GNA12: variants seen among roughly 807,000 people sequenced by gnomAD.
GNA12 encodes the protein G protein subunit alpha 12, also known as guanine nucleotide-binding protein subunit alpha-12.
In GNA12, 9 loss-of-function variants were observed where a neutral mutation model predicts 26.0. That is an observed-to-expected ratio of 0.35 (90% confidence interval 0.21 to 0.60). GNA12 has a LOEUF of 0.60. Ranked by LOEUF, GNA12 falls within the 20% of genes least tolerant of loss-of-function variation. The pLI, the probability that GNA12 is intolerant of heterozygous loss-of-function variation, is 0.78. For missense variants in GNA12, 405 were observed against 525.8 expected, an observed-to-expected ratio of 0.77 and a Z score of 2.25; for synonymous variants, 264 against 219.6, an observed-to-expected ratio of 1.20 and a Z score of -1.79.
chr7:2,793,250 G>C (rs939785129), intron 2 of GNA12, among the ~76,000 whole-genome samples: 18 of 150,410 alleles, frequency 1.2e-4, no homozygotes, highest in Non-Finnish European at 2.1e-4. Context: ...AAACACAATG[G>C]GGGATTCCAG....
chr7:2,733,429 T>TCGGG (rs1583205611), intron 3 of GNA12, 22 bp downstream of exon 3: 3 of 1,610,048 alleles, frequency 1.9e-6, no homozygotes, highest in Admixed American at 3.3e-5. Flanking sequence ...CCCAGCTTCT[T>TCGGG]CGGGCGGGCG....
intron 2 of GNA12, among the ~76,000 whole-genome samples, chr7:2,778,930 A>G (rs951960929): frequency 7.2e-5 from 11 of 152,230 alleles, no homozygotes; most frequent in African/African-American, 2.7e-4. Context: ...TGAAACTTTC[A>G]GATTAAGGGT....
intron 1 of GNA12, among the ~76,000 whole-genome samples, chr7:2,809,632 C>T (rs533396376): frequency 6.6e-6 from 1 of 152,146 alleles, no homozygotes; most frequent in Non-Finnish European, 1.5e-5. Context: ...TTTGGGGTAG[C>T]CCTGCTCCCC....
At position 2,731,068 on chromosome 7, in the gene GNA12, A is replaced by G; in HGVS notation, c.*113T>C. 1.5e-6 allele frequency: 1 copy of G among 683,172 alleles called. No homozygotes were observed. Among genetic ancestry groups the G allele is most frequent in the African/African-American group, 1.8e-5 (1 of 56,286 alleles). The allele number at this position is 683,172 out of a possible 1,614,324, so 42.3% of individuals were successfully genotyped here. A position where few individuals can be genotyped will look rare whatever the true frequency, so the allele number is the denominator to read the frequency against. Reference sequence around the variant, plus strand: ...ACAGCATTCCTGAGCCAGGTATTCCAGGGCACGGATCCGAGAAACCCACTC... The same window carrying G: ...ACAGCATTCCTGAGCCAGGTATTCCGGGGCACGGATCCGAGAAACCCACTC... On this transcript the variant is annotated 3_prime_UTR_variant, in exon 4 of 4. Coordinates refer to ENST00000275364, the MANE Select transcript of GNA12 (RefSeq NM_007353.3). This position sits in a 1 kb window ranked among gnomAD's most constrained non-coding sequence, Gnocchi z 6.0.
chr7:2,827,842 A>G (rs903684638), intron 1 of GNA12, among the ~76,000 whole-genome samples: 4 of 152,326 alleles, frequency 2.6e-5, no homozygotes, highest in African/African-American at 9.6e-5. Context: ...AGAAGACTCA[A>G]TTCAAGATTG....
At chr7:2,799,434 T>C (rs1792755355) in intron 1 of GNA12, among the ~76,000 whole-genome samples, 1 of 151,980 alleles carries the variant, frequency 6.6e-6, no homozygotes, top group Non-Finnish European at 1.5e-5. Flanking sequence ...TCAAACAAAT[T>C]AGGCAGGCAT....
intron 2 of GNA12, among the ~76,000 whole-genome samples, chr7:2,756,632 C>T (rs1791310685): frequency 7.4e-6 from 1 of 135,278 alleles, no homozygotes; most frequent in African/African-American, 2.6e-5. Context: ...CAAACAAAAA[C>T]ATAGGAGAGG....
rs76015103 is a variant in GNA12, at chr7:2,738,494, C to G, written c.526-4993G>C. 9.2e-3 allele frequency among the ~76,000 whole-genome samples: 1,394 copies of G among 152,230 alleles called. 14 individuals are homozygous for G. The highest frequency in any genetic ancestry group is 0.032 in the African/African-American group (1,317 of 41,532). The stretch of plus-strand genomic sequence containing the variant: ...CCACTGCCAAAGGAAAAGCACAAGG[C>G]ACGAAACAACGCAGAGTATCTTCCT... On this transcript the variant is annotated intron_variant, in intron 2 of 3. Coordinates refer to ENST00000275364, the MANE Select transcript of GNA12 (RefSeq NM_007353.3).
At chr7:2,840,180 G>A (rs543346079) in intron 1 of GNA12, among the ~76,000 whole-genome samples, 48 of 152,296 alleles carry the variant, frequency 3.2e-4, no homozygotes, top group Admixed American at 7.2e-4. Context: ...ATCACTGAGG[G>A]AAAGCTGGCA....
Position 2,737,269 on chromosome 7 carries a change from G to GTTTT in GNA12, c.526-3772_526-3769dup, listed in dbSNP as rs1317020597. 5.7e-3 allele frequency among the ~76,000 whole-genome samples: 219 copies of GTTTT among 38,104 alleles called. 28 individuals carry two copies. Among genetic ancestry groups the GTTTT allele is most frequent in the South Asian group, 0.014 (18 of 1,284 alleles). 25.0% of individuals were successfully genotyped at this position (38,104 alleles called of 152,430 possible). A position where few individuals can be genotyped will look rare whatever the true frequency, so the allele number is the denominator to read the frequency against. On this transcript the variant is annotated intron_variant, in intron 2 of 3. Transcript: ENST00000275364. ...CATTCAGGAGCTATCTCACAGTTTT[G>GTTTT]TTTTGTTTTTTTTTTTTTTGTTTTT...
intron 1 of GNA12, among the ~76,000 whole-genome samples, chr7:2,799,921 C>T (rs1169724936): frequency 6.6e-6 from 1 of 152,222 alleles, no homozygotes; most frequent in Non-Finnish European, 1.5e-5. Context: ...ACCTCTCATA[C>T]ACTGCTAGTG....
At chr7:2,771,497 C>G (rs1415287784) in intron 2 of GNA12, among the ~76,000 whole-genome samples, 1 of 152,202 alleles carries the variant, frequency 6.6e-6, no homozygotes, top group African/African-American at 2.4e-5. Flanking sequence ...TGGTCGGCAT[C>G]TATCCCTCCA....
chr7:2,781,111 T>A (rs577586880), intron 2 of GNA12, among the ~76,000 whole-genome samples: 1 of 152,248 alleles, frequency 6.6e-6, no homozygotes, highest in South Asian at 2.1e-4. Context: ...TAACTCATAC[T>A]GAATTGCCTA....
At chr7:2,794,577 G>A (rs1583287801) in intron 2 of GNA12, 3 of 263,122 alleles carry the variant, frequency 1.1e-5, no homozygotes, top group East Asian at 1.9e-4. Flanking sequence ...CATACCCACA[G>A]GTCCAAAGTG....
At position 2,728,325 on chromosome 7, in the gene GNA12, ATCT is replaced by A. The variant is rs1185220274; in HGVS notation, c.*2853_*2855del. 2 of 152,330 alleles carry A rather than the reference ATCT, an allele frequency of 1.3e-5. No homozygotes were observed. The highest frequency in any genetic ancestry group is 2.4e-5 in the African/African-American group (1 of 41,454). The allele number at this position is 152,330 out of a possible 1,614,324, so 9.4% of individuals were successfully genotyped here. A position where few individuals can be genotyped will look rare whatever the true frequency, so the allele number is the denominator to read the frequency against. On this transcript the variant is annotated 3_prime_UTR_variant, in exon 4 of 4. Coordinates refer to ENST00000275364, the MANE Select transcript of GNA12 (RefSeq NM_007353.3). ...ACCCCTAAATTAGTTACAACTAATA[ATCT>A]TCTTTCAAGAGTTTTTTTTTTCAAT...
At chr7:2,777,309 C>A (rs1046266522) in intron 2 of GNA12, among the ~76,000 whole-genome samples, 1 of 152,188 alleles carries the variant, frequency 6.6e-6, no homozygotes, top group African/African-American at 2.4e-5. Context: ...ATTAATACCT[C>A]GAAAGCAGCT....
At chr7:2,839,860 G>A (rs752854043) in intron 1 of GNA12, among the ~76,000 whole-genome samples, 1 of 152,284 alleles carries the variant, frequency 6.6e-6, no homozygotes, top group Non-Finnish European at 1.5e-5. Flanking sequence ...TTAGCTGGAC[G>A]TGGTGGTGGG....
At chr7:2,805,311 C>G (rs186744594) in intron 1 of GNA12, among the ~76,000 whole-genome samples, 1 of 152,174 alleles carries the variant, frequency 6.6e-6, no homozygotes. Context: ...AATAACTCTG[C>G]GAGGAATAGC....
At chr7:2,791,351 G>C (rs767033362) in intron 2 of GNA12, among the ~76,000 whole-genome samples, 1 of 152,236 alleles carries the variant, frequency 6.6e-6, no homozygotes, top group Non-Finnish European at 1.5e-5. Context: ...GCATGGCAAG[G>C]GGCCAGTGGG....
Sources: gnomAD v4.1 joint callset for allele counts (sites outside exome capture counted in the v4.1 genomes callset) on GRCh38, gnomAD v4.1.1 for gene constraint, Gnocchi (gnomAD v3.1) non-coding constraint, MANE v1.5 for transcripts, NCBI Gene and HGNC (gene_info 2026-07-23, HGNC 2026-07-21) for gene names.